Variants in BCL11A observed in about 807,000 individuals in gnomAD.
BCL11A encodes the protein BCL11 transcription factor A.
A neutral mutation model predicts 55.9 loss-of-function variants in BCL11A; 2 were observed. The ratio of observed to expected loss-of-function variants is 0.04; its 90% CI spans 0.01 to 0.11. BCL11A has a LOEUF of 0.11. BCL11A is among the 10% of genes least tolerant of loss of function. The pLI, the probability that BCL11A is intolerant of heterozygous loss-of-function variation, is 1.00. For synonymous variants in BCL11A, 465 were observed against 473.4 expected, an observed-to-expected ratio of 0.98 and a Z score of 0.23; for missense variants, 817 against 1,137.1, an observed-to-expected ratio of 0.72 and a Z score of 4.05.
At chr2:60,548,991 T>TC (rs1383897388) in intron 1 of BCL11A, among the ~76,000 whole-genome samples, 1 of 152,106 alleles carries the variant, frequency 6.6e-6, no homozygotes, top group Non-Finnish European at 1.5e-5. Flanking sequence ...CTCCCTCAAT[T>TC]CAACTCCATC....
In BCL11A at chr2:60,546,310, G is replaced by T. The variant is rs1226823565; in HGVS notation, c.56-10C>A. 1 of 1,609,222 alleles carries T rather than the reference G, an allele frequency of 6.2e-7. No homozygotes were observed. The highest frequency in any genetic ancestry group is 1.7e-5 in the Admixed American group (1 of 59,522). On this transcript the variant is annotated splice_polypyrimidine_tract_variant and intron_variant, in intron 1 of 3. Transcript: ENST00000642384. The surrounding 1 kb of genome is among the most constrained non-coding windows in gnomAD (Gnocchi z 4.1). ...GCTTCAAGAGGCTCGGCTGTGGTTG[G>T]AGAAACAAAAGCACAATTATTAGAG...
intron 2 of BCL11A, chr2:60,542,858 G>A (rs1378004077): frequency 6.6e-6 from 1 of 151,962 alleles, no homozygotes; most frequent in Admixed American, 6.6e-5. Context: ...GTGAAACCCT[G>A]CCTCTACTGA....
chr2:60,496,316 G>A (rs1254274588), intron 2 of BCL11A, among the ~76,000 whole-genome samples: 1 of 152,234 alleles, frequency 6.6e-6, no homozygotes, highest in Non-Finnish European at 1.5e-5. Flanking sequence ...GACCATCCCA[G>A]TGGTGTTACT....
rs755335201 is a variant in BCL11A at position 60,519,435 on chromosome 2, CA to C, written c.385+26535del. On this transcript the variant is annotated intron_variant, in intron 2 of 3. Coordinates refer to ENST00000642384, the MANE Select transcript of BCL11A (RefSeq NM_022893.4). ...AACATGTTGGAACGCTTACTTTATG[CA>C]GTGCCAAAAATGTGTCTATAACCTG... 7.8e-4 allele frequency among the ~76,000 whole-genome samples: 119 copies of C among 152,170 alleles called. 2 individuals carry two copies. The highest frequency in any genetic ancestry group is 2.9e-5 in the Non-Finnish European group (2 of 68,028).
At chr2:60,506,818 T>C (rs955620231) in intron 2 of BCL11A, among the ~76,000 whole-genome samples, 1 of 152,232 alleles carries the variant, frequency 6.6e-6, no homozygotes, top group African/African-American at 2.4e-5. Flanking sequence ...GTGATTTCAT[T>C]ATAGCCTCTG....
At chr2:60,484,538 T>C (rs1678157068) in intron 2 of BCL11A, 1 of 152,190 alleles carries the variant, frequency 6.6e-6, no homozygotes. Context: ...GCAGTGATTG[T>C]GGAACAGAAA....
intron 2 of BCL11A, chr2:60,483,874 CT>C (rs1472013249): frequency 7.6e-6 from 1 of 131,102 alleles, no homozygotes; most frequent in Non-Finnish European, 1.6e-5. Context: ...TTCTTTCCTT[CT>C]TTTTCTTTCT....
chr2:60,535,017 G>C (rs887629728), intron 2 of BCL11A: 14 of 152,064 alleles, frequency 9.2e-5, no homozygotes, highest in African/African-American at 2.9e-4. Flanking sequence ...TCCTTCAGCA[G>C]GCTGACAGGC....
intron 2 of BCL11A, among the ~76,000 whole-genome samples, chr2:60,486,580 G>A (rs979458953): frequency 6.6e-6 from 1 of 152,196 alleles, no homozygotes; most frequent in East Asian, 1.9e-4. Context: ...GCCCTGTGAT[G>A]GACATGAGAT....
intron 2 of BCL11A, among the ~76,000 whole-genome samples, chr2:60,507,809 G>A (rs563851222): frequency 5.9e-5 from 9 of 152,228 alleles, no homozygotes; most frequent in Admixed American, 3.9e-4. Flanking sequence ...AAAACAAGCT[G>A]TTGAAACTGT....
intron 2 of BCL11A, among the ~76,000 whole-genome samples, chr2:60,476,967 G>A (rs995858523): frequency 3.9e-5 from 6 of 152,098 alleles, no homozygotes; most frequent in East Asian, 1.9e-4. Flanking sequence ...TAGAAGGGAC[G>A]ATAAAAGACA....
At chr2:60,531,029 C>T (rs751069031) in intron 2 of BCL11A, among the ~76,000 whole-genome samples, 3 of 152,282 alleles carry the variant, frequency 2.0e-5, no homozygotes, top group East Asian at 3.9e-4. Flanking sequence ...GGGAGAGTAA[C>T]GCTCCCAATG....
rs1483243969 is a variant in BCL11A at position 60,461,381 on chromosome 2, C to T, written c.1531G>A (p.Val511Met). The T allele has an allele frequency of 3.1e-6, 5 of 1,605,908 alleles. No individual in the cohort carries two copies. The highest frequency in any genetic ancestry group is 2.7e-5 in the African/African-American group (2 of 74,874). The change falls in exon 4 of 4, where the codon GTG (valine) becomes ATG (methionine). Residue 511 changes from valine to methionine, a missense_variant. Physicochemically the swap from Val to Met is conservative, Grantham distance 21. Coordinates refer to ENST00000642384, the MANE Select transcript of BCL11A (RefSeq NM_022893.4). ...EEEELTESER[V>M]DYGFGLSLEA... ...AGGCTCAGCCCGAAGCCGTAGTCCA[C>T]CCTCTCGCTCTCCGTCAGCTCCTCC...
intron 2 of BCL11A, among the ~76,000 whole-genome samples, chr2:60,491,988 T>G (rs1403342682): frequency 6.6e-6 from 1 of 152,184 alleles, no homozygotes; most frequent in African/African-American, 2.4e-5. Context: ...AAGATGGATG[T>G]AGGAAAAACA....
chr2:60,509,638 G>A (rs1021192124), intron 2 of BCL11A, among the ~76,000 whole-genome samples: 20 of 152,178 alleles, frequency 1.3e-4, no homozygotes, highest in African/African-American at 4.6e-4. Context: ...GTCTTTGGTA[G>A]CTAAAGAACA....
intron 2 of BCL11A, among the ~76,000 whole-genome samples, chr2:60,516,393 A>AGTT (rs1249120804): frequency 6.6e-6 from 1 of 152,218 alleles, no homozygotes; most frequent in Non-Finnish European, 1.5e-5. Flanking sequence ...GTCAGTGCAA[A>AGTT]GTTATGAACA....
rs1669663547 is a variant in BCL11A at position 60,536,203 on chromosome 2, T to C, written c.385+9768A>G. 2.0e-5 allele frequency: 3 copies of C among 152,248 alleles called. No homozygotes were observed. In the South Asian group the frequency reaches 6.2e-4, roughly 32 times the overall value. The allele number at this position is 152,248 out of a possible 1,614,324, so 9.4% of individuals were successfully genotyped here. A position where few individuals can be genotyped will look rare whatever the true frequency, so the allele number is the denominator to read the frequency against. ...TTTCATTTGAACTGCTATCGAAGAA[T>C]ATTCCAAGAACCTCTCTCCGCACCC... On this transcript the variant is annotated intron_variant, in intron 2 of 3. Coordinates refer to ENST00000642384, the MANE Select transcript of BCL11A (RefSeq NM_022893.4).
chr2:60,460,979 G>T lies in BCL11A; in HGVS notation c.1933C>A (p.Pro645Thr). The change falls in exon 4 of 4, where the codon CCC becomes ACC. Residue 645 changes from proline (P) to threonine (T), a missense_variant. By Grantham distance (38) the Pro-to-Thr change is conservative. This residue lies in a region of BCL11A where 379 missense variants were observed against 425.3 expected (regional missense o/e 0.89). Coordinates refer to ENST00000642384, the MANE Select transcript of BCL11A (RefSeq NM_022893.4). The part of the protein sequence containing the change: ...RIKLEKEFDL[P>T]PAAMPNTENV... ...TCCGTGTTGGGCATCGCGGCCGGGG[G>T]CAGGTCGAACTCCTTCTCGAGCTTG... is the stretch of plus-strand genomic sequence containing the variant. 6.2e-7 allele frequency: 1 copy of T among 1,609,930 alleles called. No homozygotes were observed. The highest frequency in any genetic ancestry group is 8.5e-7 in the Non-Finnish European group (1 of 1,177,842).
intron 2 of BCL11A, among the ~76,000 whole-genome samples, chr2:60,473,080 G>T (rs1677301767): frequency 6.6e-6 from 1 of 152,018 alleles, no homozygotes; most frequent in African/African-American, 2.4e-5. Flanking sequence ...TATTGTGACT[G>T]TGTGCATGTG....
Sources: gnomAD v4.1 joint callset for allele counts (sites outside exome capture counted in the v4.1 genomes callset) on GRCh38, gnomAD v4.1.1 for gene constraint, gnomAD v4.1.1 regional missense constraint, Gnocchi (gnomAD v3.1) non-coding constraint, MANE v1.5 for transcripts, NCBI Gene and HGNC (gene_info 2026-07-23, HGNC 2026-07-21) for gene names.